Variants in NEBL observed in about 807,000 individuals in gnomAD.
NEBL encodes nebulette, also known as LIM and SH3 protein 2.
NEBL carries 122 observed loss-of-function variants against 140.2 expected under a neutral mutation model. That is an observed-to-expected ratio of 0.87 (90% CI 0.75 to 1.01). NEBL has a LOEUF of 1.01. NEBL is among the 50% of genes least tolerant of loss of function. NEBL has a pLI of 0.00. For synonymous variants in NEBL, 436 were observed against 398.9 expected (o/e 1.09, Z -1.11); for missense variants, 1,365 against 1,231.3 (o/e 1.11, Z -1.62).
chr10:21,047,366 G>C (rs1834568092), intron 2 of NEBL, among the ~76,000 whole-genome samples: 1 of 152,114 alleles, frequency 6.6e-6, no homozygotes. Context: ...TATCCAGTCA[G>C]GTACTTGATC....
At chr10:20,821,250 C>T (rs927944595) in intron 19 of NEBL, among the ~76,000 whole-genome samples, 1 of 152,224 alleles carries the variant, frequency 6.6e-6, no homozygotes, top group Non-Finnish European at 1.5e-5. Flanking sequence ...CCTTCACAAA[C>T]ATGCTGTGTG....
At chr10:20,978,873 G>A (rs1228971097) in intron 3 of NEBL, among the ~76,000 whole-genome samples, 1 of 152,066 alleles carries the variant, frequency 6.6e-6, no homozygotes, top group Non-Finnish European at 1.5e-5. Context: ...TCTACCCCTA[G>A]AAAGTCTCCT....
chr10:20,831,167 G>C (rs375001683), intron 16 of NEBL, 29 bp downstream of exon 16: 3 of 1,454,278 alleles, frequency 2.1e-6, no homozygotes, highest in South Asian at 2.3e-5. Flanking sequence ...TGGAATACAC[G>C]ATTCTGAGCA....
intron 1 of NEBL, among the ~76,000 whole-genome samples, chr10:21,266,360 T>C (rs1842796731): frequency 6.6e-6 from 1 of 152,190 alleles, no homozygotes; most frequent in Non-Finnish European, 1.5e-5. Context: ...CAGGCTAGTC[T>C]CGAACTCCTG....
intron 4 of NEBL, among the ~76,000 whole-genome samples, chr10:20,956,029 T>C (rs1335719006): frequency 6.6e-6 from 1 of 152,164 alleles, no homozygotes; most frequent in Non-Finnish European, 1.5e-5. Flanking sequence ...GCACAAGTAA[T>C]TACTGGTCTG....
At chr10:20,983,358 C>T (rs557153210) in intron 3 of NEBL, among the ~76,000 whole-genome samples, 5 of 152,230 alleles carry the variant, frequency 3.3e-5, no homozygotes, top group Admixed American at 1.3e-4. Context: ...TAAACTTCAA[C>T]GCAAAAGTAT....
intron 22 of NEBL, among the ~76,000 whole-genome samples, chr10:20,814,609 T>TACACACACACACAC (rs1265684219): frequency 1.8e-3 from 178 of 98,378 alleles, no homozygotes; most frequent in African/African-American, 6.6e-3. Flanking sequence ...AACACACACA[T>TACACACACACACAC]ACACACATAC....
At position 20,845,274 on chromosome 10, in the gene NEBL, G is replaced by T. The variant is rs1564376176; in HGVS notation, c.1211C>A (p.Thr404Asn). ...TPEFLHVKYI[T>N]NLLREKEYKK... ...AGATCGTACCTCCCTCAGAAGGTTG[G>T]TGATGTACTTTACATGTAAAAATTC... Residue 404 changes from threonine (T) to asparagine (N), a missense_variant, in exon 12 of 28, where the codon ACC (threonine) becomes AAC (asparagine). This residue lies in a region of NEBL where 1,323 missense variants were observed against 1,154.8 expected (regional missense o/e 1.15). Transcript: ENST00000377122. 2 of 1,576,268 alleles carry T rather than the reference G, an allele frequency of 1.3e-6. No homozygotes were observed. Among genetic ancestry groups the T allele is most frequent in the East Asian group, 2.2e-5 (1 of 44,570 alleles).
chr10:21,169,215 CT>C (rs962101780), intron 2 of NEBL, among the ~76,000 whole-genome samples: 51 of 148,226 alleles, frequency 3.4e-4, no homozygotes, highest in Non-Finnish European at 5.5e-4. Flanking sequence ...TATTCTTTTA[CT>C]TTTTTTTCAT....
intron 9 of NEBL, among the ~76,000 whole-genome samples, chr10:20,857,865 G>A (rs563011726): frequency 7.9e-5 from 12 of 152,156 alleles, no homozygotes; most frequent in East Asian, 7.7e-4. Context: ...TACTGAAGGC[G>A]TACTAAATAC....
Position 20,814,446 on chromosome 10 carries a change from A to G in NEBL, c.2242-403T>C, listed in dbSNP as rs199703128. ...CCCCCCATCTCTACAGGTAAAAATTAAAAAAAAAAAAAAATTAGTTGGGCG... is the reference window on the plus strand; with the variant it reads ...CCCCCCATCTCTACAGGTAAAAATTGAAAAAAAAAAAAAATTAGTTGGGCG... On this transcript the variant is annotated intron_variant, in intron 22 of 27. Transcript: ENST00000377122. 9.0e-3 allele frequency among the ~76,000 whole-genome samples: 1,247 copies of G among 138,554 alleles called. 7 individuals are homozygous for G. Among genetic ancestry groups the G allele is most frequent in the Middle Eastern group, 0.014 (4 of 280 alleles). The allele number at this position is 138,554 out of a possible 152,430, so 90.9% of individuals were successfully genotyped here. A position where few individuals can be genotyped will look rare whatever the true frequency, so the allele number is the denominator to read the frequency against.
At chr10:20,852,513 G>A in intron 10 of NEBL, 32 bp downstream of exon 10, 20 of 1,442,170 alleles carry the variant, frequency 1.4e-5, no homozygotes, top group Non-Finnish European at 1.8e-5. Context: ...TTGCTGGCAG[G>A]GAGGGTAGGT....
rs887070558 is a variant in NEBL, at chr10:20,781,902, C to T, written c.*3845G>A. 1 of 152,594 alleles carries T rather than the reference C, an allele frequency of 6.6e-6. No individual in the cohort carries two copies. The highest frequency in any genetic ancestry group is 2.4e-5 in the African/African-American group (1 of 41,436). 9.5% of individuals were successfully genotyped at this position (152,594 alleles called of 1,614,324 possible). A position where few individuals can be genotyped will look rare whatever the true frequency, so the allele number is the denominator to read the frequency against. Reference sequence around the variant, plus strand: ...AACCAAAACAACCACAATCTAGCCACTTTTAGATTATCAGAAGCAAATCGC... The same window carrying T: ...AACCAAAACAACCACAATCTAGCCATTTTTAGATTATCAGAAGCAAATCGC... On this transcript the variant is annotated 3_prime_UTR_variant, in exon 28 of 28. Transcript: ENST00000377122.
intron 2 of NEBL, among the ~76,000 whole-genome samples, chr10:21,088,367 G>A (rs1351517098): frequency 1.3e-5 from 2 of 152,106 alleles, no homozygotes; most frequent in Admixed American, 1.3e-4. Context: ...GGGTGTTGTG[G>A]TCCCAGTTAC....
chr10:20,875,218 C>T (rs1406971452), intron 5 of NEBL, among the ~76,000 whole-genome samples: 1 of 152,156 alleles, frequency 6.6e-6, no homozygotes, highest in Non-Finnish European at 1.5e-5. Flanking sequence ...AATCCTCCCA[C>T]TTCTGTTTCA....
intron 2 of NEBL, chr10:21,170,584 A>G (rs1034964193): frequency 4.6e-5 from 7 of 152,556 alleles, no homozygotes; most frequent in Non-Finnish European, 7.3e-5. Context: ...CGCTATTCCA[A>G]TAGGAAGCAC....
At chr10:21,059,517 C>G (rs1835182902) in intron 2 of NEBL, among the ~76,000 whole-genome samples, 1 of 152,170 alleles carries the variant, frequency 6.6e-6, no homozygotes, top group Admixed American at 6.6e-5. Context: ...GGGGAATGAC[C>G]TCTTGAATAT....
chr10:20,905,340 A>G (rs1428281318), intron 4 of NEBL, among the ~76,000 whole-genome samples: 1 of 152,202 alleles, frequency 6.6e-6, no homozygotes, highest in East Asian at 1.9e-4. Context: ...TAAATAAAAG[A>G]GGTTTAATTG....
intron 3 of NEBL, 62 bp from the exon 4 acceptor site, chr10:20,888,269 T>C: frequency 1.0e-6 from 1 of 1,000,374 alleles, no homozygotes; most frequent in Non-Finnish European, 1.5e-6. Context: ...TAAACTGTGA[T>C]TATAAGTAGA....
Sources: gnomAD v4.1 joint callset for allele counts (sites outside exome capture counted in the v4.1 genomes callset) on GRCh38, gnomAD v4.1.1 for gene constraint, gnomAD v4.1.1 regional missense constraint, MANE v1.5 for transcripts, NCBI Gene and HGNC (gene_info 2026-07-23, HGNC 2026-07-21) for gene names.